Variants in SHISA9 observed in about 807,000 individuals in gnomAD.
The protein encoded by SHISA9 is protein shisa-9.
In SHISA9, 13 loss-of-function variants were observed where a neutral mutation model predicts 38.0. The ratio of observed to expected loss-of-function variants is 0.34; its 90% CI spans 0.22 to 0.54. SHISA9 has a LOEUF of 0.54. Among genes scored for constraint, SHISA9 ranks in the 20% least tolerant of loss-of-function variants. The pLI is 0.91. For missense variants in SHISA9, 538 were observed against 575.8 expected, an observed-to-expected ratio of 0.93 and a Z score of 0.67; for synonymous variants, 275 against 242.0, an observed-to-expected ratio of 1.14 and a Z score of -1.27.
At chr16:12,990,008 C>G (rs186933344) in intron 2 of SHISA9, among the ~76,000 whole-genome samples, 3 of 152,302 alleles carry the variant, frequency 2.0e-5, no homozygotes, top group Admixed American at 2.0e-4. Flanking sequence ...TCAGCTCCCA[C>G]TTATAAGTGA....
intron 4 of SHISA9, among the ~76,000 whole-genome samples, chr16:13,224,400 T>C (rs2051258928): frequency 6.6e-6 from 1 of 152,198 alleles, no homozygotes; most frequent in Non-Finnish European, 1.5e-5. Flanking sequence ...GCTCCAGCCC[T>C]TCAATCCCTG....
chr16:13,072,033 T>C (rs796547002), intron 2 of SHISA9, among the ~76,000 whole-genome samples: 8 of 152,280 alleles, frequency 5.3e-5, no homozygotes, highest in African/African-American at 1.9e-4. Context: ...GGGATGTGAA[T>C]GAGAGAACTC....
At chr16:13,359,419 G>A in the SHISA9 span, among the ~76,000 whole-genome samples, 1 of 152,206 alleles carries the variant, frequency 6.6e-6, no homozygotes, top group Non-Finnish European at 1.5e-5. Flanking sequence ...GGAGGCAGAG[G>A]TTGCAGAGAG....
At chr16:13,499,179 G>T in the SHISA9 span, among the ~76,000 whole-genome samples, 40 of 152,306 alleles carry the variant, frequency 2.6e-4, no homozygotes, top group Non-Finnish European at 1.6e-4. Flanking sequence ...TAAGTTGACA[G>T]TTTGATCTCC....
At chr16:13,481,907 G>T in the SHISA9 span, among the ~76,000 whole-genome samples, 1 of 152,206 alleles carries the variant, frequency 6.6e-6, no homozygotes, top group African/African-American at 2.4e-5. Flanking sequence ...CTCATTAAGA[G>T]AACTCATACA....
the SHISA9 span, among the ~76,000 whole-genome samples, chr16:13,402,818 G>T: frequency 3.9e-5 from 6 of 152,160 alleles, no homozygotes; most frequent in Non-Finnish European, 8.8e-5. Flanking sequence ...TTCCAGAACT[G>T]TTACAAAATA....
At chr16:13,053,414 A>G (rs1229951043) in intron 2 of SHISA9, among the ~76,000 whole-genome samples, 1 of 152,176 alleles carries the variant, frequency 6.6e-6, no homozygotes, top group Non-Finnish European at 1.5e-5. Flanking sequence ...CTATAGCCAA[A>G]GCCTCCAACA....
the SHISA9 span, among the ~76,000 whole-genome samples, chr16:13,321,502 G>A: frequency 2.6e-5 from 4 of 152,194 alleles, no homozygotes; most frequent in African/African-American, 9.7e-5. Context: ...GGAAGGTATT[G>A]TAATAAATAA....
At chr16:13,489,413 AT>A in the SHISA9 span, among the ~76,000 whole-genome samples, 31 of 151,706 alleles carry the variant, frequency 2.0e-4, no homozygotes, top group Non-Finnish European at 3.8e-4. Context: ...GTGTGTATAT[AT>A]TTTTTTTCTC....
the SHISA9 span, among the ~76,000 whole-genome samples, chr16:13,367,712 G>GTGCGCGCACACA: frequency 5.7e-5 from 6 of 104,640 alleles, no homozygotes; most frequent in African/African-American, 2.1e-4. Flanking sequence ...GCGCGCGCGC[G>GTGCGCGCACACA]CACACACACA....
the SHISA9 span, among the ~76,000 whole-genome samples, chr16:13,275,097 G>A: frequency 7.2e-5 from 11 of 152,232 alleles, no homozygotes; most frequent in Admixed American, 2.0e-4. Context: ...TACCAGCTAC[G>A]TGAGATTGGG....
At chr16:13,147,625 G>T (rs143917769) in intron 2 of SHISA9, among the ~76,000 whole-genome samples, 3,117 of 152,078 alleles carry the variant, frequency 0.02, 97 homozygotes, top group African/African-American at 0.07. Flanking sequence ...ACCACGCCTG[G>T]CTAATTTTTG....
chr16:12,932,085 A>C (rs1446938951), intron 2 of SHISA9, among the ~76,000 whole-genome samples: 2 of 152,082 alleles, frequency 1.3e-5, no homozygotes, highest in Non-Finnish European at 1.5e-5. Context: ...ACCATGTAAG[A>C]TGTACCTTTG....
chr16:12,916,129 C>T (rs984297093), intron 1 of SHISA9, among the ~76,000 whole-genome samples: 4 of 150,842 alleles, frequency 2.7e-5, no homozygotes, highest in African/African-American at 9.7e-5. Flanking sequence ...AATTCTTGTG[C>T]CACAACTTAC....
intron 2 of SHISA9, among the ~76,000 whole-genome samples, chr16:12,942,901 A>G (rs2071629882): frequency 6.6e-6 from 1 of 152,084 alleles, no homozygotes; most frequent in Non-Finnish European, 1.5e-5. Context: ...CGTAGGTCTC[A>G]ACAGATGTTC....
At chr16:13,510,319 C>G in the SHISA9 span, among the ~76,000 whole-genome samples, 1 of 152,056 alleles carries the variant, frequency 6.6e-6, no homozygotes, top group Non-Finnish European at 1.5e-5. Context: ...AAAAAACAAA[C>G]AAACAAACTG....
chr16:13,054,466 C>A (rs977277401), intron 2 of SHISA9, among the ~76,000 whole-genome samples: 4 of 152,178 alleles, frequency 2.6e-5, no homozygotes, highest in African/African-American at 9.7e-5. Flanking sequence ...TTCTAGGAAC[C>A]AAGAAGTCTT....
At chr16:13,132,109 C>T (rs1470319168) in intron 2 of SHISA9, among the ~76,000 whole-genome samples, 1 of 152,176 alleles carries the variant, frequency 6.6e-6, no homozygotes, top group Admixed American at 6.5e-5. Flanking sequence ...AACAGAAACC[C>T]TCCCTGATTT....
chr16:13,011,786 G>T (rs1247151623), intron 2 of SHISA9, among the ~76,000 whole-genome samples: 1 of 152,102 alleles, frequency 6.6e-6, no homozygotes, highest in Non-Finnish European at 1.5e-5. Flanking sequence ...CTCCCAAAGT[G>T]CTGGGATTAC....
Sources: allele counts gnomAD v4.1 joint callset (sites outside exome capture counted in the v4.1 genomes callset), GRCh38; gene constraint gnomAD v4.1.1; transcripts MANE v1.5; gene names NCBI Gene and HGNC (gene_info 2026-07-23, HGNC 2026-07-21).